ARHGEF28: variants seen among roughly 807,000 people sequenced by gnomAD.
ARHGEF28 encodes Rho guanine nucleotide exchange factor 28.
ARHGEF28 carries 152 observed loss-of-function variants against 206.6 expected under a neutral mutation model. The observed-to-expected ratio is 0.74, with a 90% confidence interval of 0.64 to 0.84. ARHGEF28 has a LOEUF of 0.84. Among genes scored for constraint, ARHGEF28 ranks in the 40% least tolerant of loss-of-function variants. The pLI is 0.00. For synonymous variants in ARHGEF28, 763 were observed against 776.4 expected, an observed-to-expected ratio of 0.98 and a Z score of 0.29; for missense variants, 2,028 against 2,073.2, an observed-to-expected ratio of 0.98 and a Z score of 0.42.
At chr5:73,925,410 C>T (rs1016329064) in intron 35 of ARHGEF28, among the ~76,000 whole-genome samples, 4 of 152,214 alleles carry the variant, frequency 2.6e-5, no homozygotes, top group Non-Finnish European at 5.9e-5. Flanking sequence ...CTGATGACCC[C>T]ATACTTAATC....
chr5:73,730,892 T>C (rs1750583136), intron 2 of ARHGEF28, among the ~76,000 whole-genome samples: 1 of 152,140 alleles, frequency 6.6e-6, no homozygotes. Flanking sequence ...GAGTCTTTAA[T>C]TAAACAGTTG....
intron 26 of ARHGEF28, among the ~76,000 whole-genome samples, chr5:73,891,708 A>G (rs893868335): frequency 6.6e-6 from 1 of 151,980 alleles, no homozygotes; most frequent in African/African-American, 2.4e-5. Flanking sequence ...TGTTTTTAGT[A>G]TAGATGGGGT....
intron 2 of ARHGEF28, among the ~76,000 whole-genome samples, chr5:73,686,020 C>T (rs1244212628): frequency 6.6e-6 from 1 of 152,184 alleles, no homozygotes; most frequent in Non-Finnish European, 1.5e-5. Context: ...CACTCACCCT[C>T]ACTCCCTTCT....
chr5:73,848,039 G>A (rs1758471905), intron 12 of ARHGEF28, among the ~76,000 whole-genome samples: 1 of 152,136 alleles, frequency 6.6e-6, no homozygotes, highest in Admixed American at 6.6e-5. Flanking sequence ...TGCTCCTGAA[G>A]GTCAGTTTCT....
intron 5 of ARHGEF28, among the ~76,000 whole-genome samples, chr5:73,775,295 A>T (rs971160089): frequency 1.3e-5 from 2 of 152,232 alleles, no homozygotes; most frequent in African/African-American, 4.8e-5. Flanking sequence ...CCATTCATGG[A>T]TGGGATTAGA....
chr5:73,665,576 A>G (rs1037584856), intron 1 of ARHGEF28, among the ~76,000 whole-genome samples: 6 of 152,162 alleles, frequency 3.9e-5, no homozygotes, highest in Admixed American at 2.6e-4. Flanking sequence ...TATTTGGTTC[A>G]TGGTTCTGGA....
chr5:73,644,508 T>G (rs1744314851), intron 1 of ARHGEF28, among the ~76,000 whole-genome samples: 1 of 152,200 alleles, frequency 6.6e-6, no homozygotes, highest in South Asian at 2.1e-4. Context: ...CGTTTTCCAC[T>G]TTCAGTCCCT....
chr5:73,671,039 G>A (rs16870664), intron 1 of ARHGEF28, among the ~76,000 whole-genome samples: 39,354 of 151,864 alleles, frequency 0.26, 5,705 homozygotes, highest in African/African-American at 0.37. Flanking sequence ...GATGAAAACT[G>A]TAGAATCTTG....
At chr5:73,658,987 A>ACACACACG (rs1554051351) in intron 1 of ARHGEF28, among the ~76,000 whole-genome samples, 1,868 of 150,236 alleles carry the variant, frequency 0.012, 26 homozygotes, top group Non-Finnish European at 0.017. Context: ...ACACACACAC[A>ACACACACG]CACACACACA....
chr5:73,888,146 C>G (rs1433811160), intron 26 of ARHGEF28, among the ~76,000 whole-genome samples: 1 of 152,208 alleles, frequency 6.6e-6, no homozygotes, highest in African/African-American at 2.4e-5. Flanking sequence ...CCCATTGGCC[C>G]TGCTCTCCCA....
intron 9 of ARHGEF28, among the ~76,000 whole-genome samples, chr5:73,796,336 T>G (rs188987620): frequency 2.6e-5 from 4 of 152,164 alleles, no homozygotes; most frequent in African/African-American, 9.7e-5. Context: ...GTCTTAGAAG[T>G]TGCAAGGGGT....
intron 1 of ARHGEF28, among the ~76,000 whole-genome samples, chr5:73,635,279 G>A (rs1743628552): frequency 6.6e-6 from 1 of 152,118 alleles, no homozygotes; most frequent in Non-Finnish European, 1.5e-5. Context: ...GGGGGCGGAG[G>A]TAGCAAGTGG....
intron 14 of ARHGEF28, among the ~76,000 whole-genome samples, chr5:73,857,415 C>T (rs1401218003): frequency 1.3e-5 from 2 of 152,068 alleles, no homozygotes; most frequent in South Asian, 4.1e-4. Flanking sequence ...ACTTCCACCA[C>T]CTATGTTCTA....
intron 4 of ARHGEF28, among the ~76,000 whole-genome samples, chr5:73,762,918 A>G (rs1282042338): frequency 2.6e-5 from 4 of 152,230 alleles, no homozygotes; most frequent in East Asian, 1.9e-4. Flanking sequence ...TTCTGCCCCT[A>G]TAAAATAAGG....
intron 4 of ARHGEF28, among the ~76,000 whole-genome samples, chr5:73,771,416 C>A (rs765322673): frequency 3.3e-5 from 5 of 152,042 alleles, no homozygotes; most frequent in Non-Finnish European, 7.4e-5. Flanking sequence ...GGGGTGATGG[C>A]GCGCACCTGT....
At chr5:73,828,815 C>G (rs1757102140) in intron 9 of ARHGEF28, among the ~76,000 whole-genome samples, 2 of 145,024 alleles carry the variant, frequency 1.4e-5, no homozygotes, top group Non-Finnish European at 3.0e-5. Context: ...CCTTCTTTTC[C>G]TTTTTCCTTT....
At chr5:73,701,647 A>G (rs1371138702) in intron 2 of ARHGEF28, among the ~76,000 whole-genome samples, 5 of 152,092 alleles carry the variant, frequency 3.3e-5, no homozygotes, top group African/African-American at 4.8e-5. Flanking sequence ...ACAACCATTA[A>G]TCTGTTCTTG....
intron 11 of ARHGEF28, 103 bp downstream of exon 11, chr5:73,840,863 T>C (rs1177666170): frequency 7.8e-7 from 1 of 1,273,974 alleles, no homozygotes; most frequent in Non-Finnish European, 1.1e-6. Flanking sequence ...CTACCACTTT[T>C]ATTTGCCCAT....
At chr5:73,851,314 C>G (rs927740864) in intron 13 of ARHGEF28, among the ~76,000 whole-genome samples, 3 of 152,136 alleles carry the variant, frequency 2.0e-5, no homozygotes, top group African/African-American at 7.2e-5. Flanking sequence ...ATATACAAAC[C>G]TAGGATGCTT....
Sources: allele counts gnomAD v4.1 joint callset (sites outside exome capture counted in the v4.1 genomes callset), GRCh38; gene constraint gnomAD v4.1.1; transcripts MANE v1.5; gene names NCBI Gene and HGNC (gene_info 2026-07-23, HGNC 2026-07-21).